DNAH11: variants seen among roughly 807,000 people sequenced by gnomAD.
DNAH11 encodes the protein axonemal beta dynein heavy chain 11.
In DNAH11, 442 loss-of-function variants were observed where a neutral mutation model predicts 526.0. The ratio of observed to expected loss-of-function variants is 0.84; its 90% CI spans 0.78 to 0.91. The LOEUF (loss-of-function observed/expected upper bound fraction) is 0.91. DNAH11 is among the 40% of genes least tolerant of loss of function. DNAH11 has a pLI of 0.00. For synonymous variants in DNAH11, 2,461 were observed against 1,935.9 expected, an observed-to-expected ratio of 1.27 and a Z score of -7.12; for missense variants, 6,989 against 5,448.7, an observed-to-expected ratio of 1.28 and a Z score of -8.90.
chr7:21,610,518 A>G (rs1785479272), intron 20 of DNAH11, among the ~76,000 whole-genome samples: 1 of 152,200 alleles, frequency 6.6e-6, no homozygotes, highest in Admixed American at 6.5e-5. Context: ...TAAAACAATG[A>G]ACACACCATT....
intron 28 of DNAH11, among the ~76,000 whole-genome samples, chr7:21,649,380 CAATTT>C (rs1210545047): frequency 6.6e-6 from 1 of 152,052 alleles, no homozygotes; most frequent in Non-Finnish European, 1.5e-5. Context: ...AAATGGGAAA[CAATTT>C]AAATGTCCCT....
intron 65 of DNAH11, among the ~76,000 whole-genome samples, chr7:21,824,985 C>T (rs1583740699): frequency 6.6e-6 from 1 of 152,272 alleles, no homozygotes; most frequent in Admixed American, 6.5e-5. Context: ...GATTCTCCTG[C>T]CTCAGCCTCC....
In DNAH11 at chr7:21,654,315, T is replaced by C. The variant is rs139824539; in HGVS notation, c.4945-1517T>C. 2.0e-4 allele frequency among the ~76,000 whole-genome samples: 31 copies of C among 152,344 alleles called. No homozygotes were observed. The East Asian group carries it at 5.6e-3, about 27-fold the overall frequency. On this transcript the variant is annotated intron_variant, in intron 28 of 81. Transcript: ENST00000409508. ...ATTTATCTCTTGTGGATATTTCATATAAATGGGATAATACAAGATACGACG... is the reference window on the plus strand; with the variant it reads ...ATTTATCTCTTGTGGATATTTCATACAAATGGGATAATACAAGATACGACG...
At chr7:21,566,999 C>A (rs1426342853) in intron 6 of DNAH11, among the ~76,000 whole-genome samples, 2 of 152,154 alleles carry the variant, frequency 1.3e-5, no homozygotes, top group African/African-American at 4.8e-5. Flanking sequence ...ATACAAAGAT[C>A]CCCTCTTTTG....
intron 42 of DNAH11, among the ~76,000 whole-genome samples, chr7:21,714,305 G>T (rs917626985): frequency 2.6e-5 from 4 of 152,128 alleles, no homozygotes; most frequent in Non-Finnish European, 5.9e-5. Flanking sequence ...GAATTAATGG[G>T]TAGATGTTAA....
intron 61 of DNAH11, among the ~76,000 whole-genome samples, chr7:21,792,738 T>C (rs901791913): frequency 6.6e-6 from 1 of 152,166 alleles, no homozygotes; most frequent in Non-Finnish European, 1.5e-5. Context: ...TCCGTTGTTA[T>C]ATATCCATTT....
chr7:21,862,003 C>T lies in DNAH11; in HGVS notation c.11353C>T (p.Leu3785=). 6.2e-7 allele frequency: 1 copy of T among 1,612,840 alleles called. No individual in the cohort carries two copies. The highest frequency in any genetic ancestry group is 1.1e-5 in the South Asian group (1 of 90,764). Residue 3785 remains leucine, a synonymous_variant, in exon 69 of 82, where the codon CTG becomes TTG. Transcript: ENST00000409508. ...GTTTGAGAAGGACAAGCTCACCTTCCTGTCCCAGATGGCTTTTCAGGTAAG... is the reference window on the plus strand; with the variant it reads ...GTTTGAGAAGGACAAGCTCACCTTCTTGTCCCAGATGGCTTTTCAGGTAAG... ...ALFEKDKLTF[L]SQMAFQILLR... is the part of the protein sequence containing the mutation.
intron 45 of DNAH11, among the ~76,000 whole-genome samples, chr7:21,731,184 T>A (rs1785368840): frequency 6.6e-6 from 1 of 152,158 alleles, no homozygotes; most frequent in Non-Finnish European, 1.5e-5. Context: ...TATGTTAATT[T>A]GCTGGATTTA....
intron 72 of DNAH11, 132 bp from the exon 73 acceptor site, chr7:21,868,732 T>G: frequency 8.5e-7 from 1 of 1,175,478 alleles, no homozygotes; most frequent in Admixed American, 2.3e-5. Flanking sequence ...AGAAGTTTCT[T>G]TGGGATTCTT....
chr7:21,797,232 C>G (rs1158420048), intron 61 of DNAH11, among the ~76,000 whole-genome samples: 1 of 148,186 alleles, frequency 6.7e-6, no homozygotes, highest in East Asian at 2.0e-4. Flanking sequence ...TTTTTTTTTC[C>G]TTTTGAGACA....
At chr7:21,634,021 A>G (rs1428621721) in intron 25 of DNAH11, among the ~76,000 whole-genome samples, 1 of 152,236 alleles carries the variant, frequency 6.6e-6, no homozygotes, top group Non-Finnish European at 1.5e-5. Context: ...GAATTCTAAA[A>G]TTATAGTGTT....
In DNAH11 at chr7:21,658,764, G is replaced by A. The variant is rs549211630; in HGVS notation, c.5095-34G>A. On this transcript the variant is annotated intron_variant, in intron 29 of 81. Transcript: ENST00000409508. ...GATGAAATTATCCTTCCATAGTTAA[G>A]CCTGTGTTATAACATTTCAACTTGC... 3,889 of 1,507,490 alleles carry A rather than the reference G, an allele frequency of 2.6e-3. 16 individuals are homozygous for A. Among genetic ancestry groups the A allele is most frequent in the South Asian group, 7.2e-3 (562 of 78,494 alleles). The allele number at this position is 1,507,490 out of a possible 1,614,324, so 93.4% of individuals were successfully genotyped here. A position where few individuals can be genotyped will look rare whatever the true frequency, so the allele number is the denominator to read the frequency against.
rs1171160143 is a variant in DNAH11, at chr7:21,591,488, G to A, written c.2578G>A (p.Ala860Thr). The change falls in exon 14 of 82, where the codon GCC becomes ACC. Residue 860 changes from alanine to threonine, a missense_variant. Physicochemically the swap from Ala to Thr is moderately conservative, Grantham distance 58. Coordinates refer to ENST00000409508, the MANE Select transcript of DNAH11 (RefSeq NM_001277115.2). ...PPRREHRREA[A>T]FTLEDKGDLF... Reference sequence around the variant, plus strand: ...CAGGAGAGAGCACAGACGAGAGGCAGCCTTCACCTTGGAGGACAAGGGTGA... The same window carrying A: ...CAGGAGAGAGCACAGACGAGAGGCAACCTTCACCTTGGAGGACAAGGGTGA... 1 of 1,612,864 alleles carries A rather than the reference G, an allele frequency of 6.2e-7. No individual in the cohort carries two copies. Among genetic ancestry groups the A allele is most frequent in the African/African-American group, 1.3e-5 (1 of 74,908 alleles).
At chr7:21,576,287 G>A (rs572472652) in intron 8 of DNAH11, among the ~76,000 whole-genome samples, 2 of 152,334 alleles carry the variant, frequency 1.3e-5, no homozygotes, top group Middle Eastern at 3.4e-3. Flanking sequence ...TTGCCTGCCT[G>A]AAAGGCCTCA....
intron 20 of DNAH11, among the ~76,000 whole-genome samples, chr7:21,612,827 A>T (rs902704140): frequency 7.9e-5 from 12 of 152,232 alleles, no homozygotes; most frequent in African/African-American, 2.9e-4. Flanking sequence ...ACAAGTTTTC[A>T]TTTAAGGAAA....
intron 14 of DNAH11, among the ~76,000 whole-genome samples, chr7:21,593,870 AC>A (rs1269976097): frequency 1.3e-5 from 2 of 150,870 alleles, no homozygotes; most frequent in Non-Finnish European, 3.0e-5. Flanking sequence ...AGGCAGACAG[AC>A]CCCCTCCCCT....
At chr7:21,862,122 CTT>C (rs35912578) in intron 69 of DNAH11, 99 bp downstream of exon 69, 1,056 of 893,818 alleles carry the variant, frequency 1.2e-3, no homozygotes, top group Middle Eastern at 5.3e-3. Flanking sequence ...ATATAATAGA[CTT>C]TTTTTTTTTT....
intron 8 of DNAH11, among the ~76,000 whole-genome samples, chr7:21,579,872 C>T (rs1225587205): frequency 2.0e-5 from 3 of 152,100 alleles, no homozygotes; most frequent in African/African-American, 4.8e-5. Context: ...AACAGATACC[C>T]AGATGAGCAA....
At chr7:21,660,777 A>G (rs1353313424) in intron 30 of DNAH11, among the ~76,000 whole-genome samples, 1 of 152,090 alleles carries the variant, frequency 6.6e-6, no homozygotes, top group African/African-American at 2.4e-5. Context: ...TTATTTATGT[A>G]GCTATGTATC....
Sources: allele counts gnomAD v4.1 joint callset (sites outside exome capture counted in the v4.1 genomes callset), GRCh38; gene constraint gnomAD v4.1.1; transcripts MANE v1.5; gene names NCBI Gene and HGNC (gene_info 2026-07-23, HGNC 2026-07-21).